SGCD: variants seen among roughly 807,000 people sequenced by gnomAD.
SGCD encodes the protein delta-sarcoglycan.
Under a neutral mutation model 36.6 loss-of-function variants are expected in SGCD, and 18 were observed. The observed-to-expected ratio is 0.49, with a 90% confidence interval of 0.34 to 0.73. The LOEUF is 0.73. Among genes scored for constraint, SGCD ranks in the 30% least tolerant of loss-of-function variants. The pLI, the probability that SGCD is intolerant of heterozygous loss-of-function variation, is 0.01. For missense variants in SGCD, 387 were observed against 346.7 expected (o/e 1.12, Z -0.92); for synonymous variants, 133 against 130.6 (o/e 1.02, Z -0.12).
intron 3 of SGCD, among the ~76,000 whole-genome samples, chr5:156,146,218 A>C (rs1315239303): frequency 2.0e-5 from 3 of 152,192 alleles, no homozygotes; most frequent in Non-Finnish European, 4.4e-5. Flanking sequence ...ATCTCTAAAA[A>C]ACAAAACAAA....
intron 1 of SGCD, among the ~76,000 whole-genome samples, chr5:156,088,872 T>G (rs1023349860): frequency 8.5e-5 from 13 of 152,242 alleles, no homozygotes; most frequent in African/African-American, 3.1e-4. Context: ...CAAGCTAGGG[T>G]GAAGCCACCT....
chr5:156,354,049 A>G (rs1045511566), intron 3 of SGCD, among the ~76,000 whole-genome samples: 7 of 145,528 alleles, frequency 4.8e-5, no homozygotes, highest in South Asian at 2.1e-4. Flanking sequence ...TGCTTTGTGT[A>G]GAAACTAAAG....
Position 156,487,813 on chromosome 5 carries a change from A to AAAAAAAAAAG in SGCD, c.193-20785_193-20784insAAAAAAGAAA, listed in dbSNP as rs1554107842. On this transcript the variant is annotated intron_variant, in intron 3 of 8. Coordinates refer to ENST00000337851, the MANE Select transcript of SGCD (RefSeq NM_000337.6). ...CAAAAAAAAAAAAAAAAAAAAAAAA[A>AAAAAAAAAAG]AAAGAAAGAAAGAAAAAGCTTAACA... Among the ~76,000 whole-genome samples the AAAAAAAAAAG allele has an allele frequency of 4.2e-4, 33 of 77,812 alleles. 3 individuals carry two copies. Among genetic ancestry groups the AAAAAAAAAAG allele is most frequent in the East Asian group, 1.3e-3 (3 of 2,286 alleles). The allele number at this position is 77,812 out of a possible 152,430, so 51.0% of individuals were successfully genotyped here.
the SGCD span, among the ~76,000 whole-genome samples, chr5:155,772,276 C>T: frequency 6.6e-6 from 1 of 152,182 alleles, no homozygotes; most frequent in African/African-American, 2.4e-5. Context: ...GTTGGCCCTA[C>T]TTTAGAGAAA....
chr5:156,163,575 C>A (rs1763135682), intron 3 of SGCD, among the ~76,000 whole-genome samples: 1 of 151,442 alleles, frequency 6.6e-6, no homozygotes, highest in African/African-American at 2.5e-5. Flanking sequence ...TCTTTTATTT[C>A]TTTTCTGTCC....
intron 3 of SGCD, among the ~76,000 whole-genome samples, chr5:156,404,023 C>A (rs1014188284): frequency 6.6e-6 from 1 of 151,870 alleles, no homozygotes; most frequent in Non-Finnish European, 1.5e-5. Flanking sequence ...TTAGTAGAGA[C>A]AAGGTTTCAC....
intron 7 of SGCD, among the ~76,000 whole-genome samples, chr5:156,747,801 C>CA (rs1310711142): frequency 6.6e-6 from 1 of 152,154 alleles, no homozygotes; most frequent in African/African-American, 2.4e-5. Flanking sequence ...AACCAGGAGA[C>CA]AAGGATTCCT....
intron 1 of SGCD, among the ~76,000 whole-genome samples, chr5:156,068,605 C>G (rs1220349143): frequency 6.6e-6 from 1 of 151,770 alleles, no homozygotes; most frequent in East Asian, 1.9e-4. Flanking sequence ...GCCTTTATAG[C>G]AGCATGATTT....
chr5:156,087,589 G>A (rs1039680835), intron 1 of SGCD, among the ~76,000 whole-genome samples: 4 of 146,148 alleles, frequency 2.7e-5, no homozygotes, highest in Non-Finnish European at 4.5e-5. Context: ...GCAGTGAGCC[G>A]AGATCGAGCC....
intron 3 of SGCD, among the ~76,000 whole-genome samples, chr5:156,182,311 G>A (rs1300793794): frequency 6.6e-6 from 1 of 152,174 alleles, no homozygotes; most frequent in Non-Finnish European, 1.5e-5. Context: ...AATAAGCTGG[G>A]CTGGGCATGG....
intron 1 of SGCD, among the ~76,000 whole-genome samples, chr5:156,010,723 G>T (rs73810391): frequency 0.079 from 12,034 of 152,108 alleles, 1,551 homozygotes; most frequent in African/African-American, 0.27. Context: ...TCTAATATCT[G>T]TTTTATAGTT....
At chr5:156,396,526 A>G (rs1270446157) in intron 3 of SGCD, among the ~76,000 whole-genome samples, 5 of 152,094 alleles carry the variant, frequency 3.3e-5, no homozygotes, top group South Asian at 2.1e-4. Flanking sequence ...CCCTTGTTGG[A>G]CTTCTCAACC....
intron 4 of SGCD, among the ~76,000 whole-genome samples, chr5:156,566,114 A>G (rs1472523369): frequency 2.6e-5 from 4 of 152,216 alleles, no homozygotes; most frequent in African/African-American, 9.6e-5. Flanking sequence ...ATCACTGGTC[A>G]TTAGAGAAAT....
intron 3 of SGCD, among the ~76,000 whole-genome samples, chr5:156,457,534 A>T (rs980702475): frequency 1.3e-5 from 2 of 152,210 alleles, no homozygotes; most frequent in African/African-American, 4.8e-5. Context: ...TATTTAGTGA[A>T]GCACCAAATT....
chr5:156,493,811 A>T (rs1756050128), intron 3 of SGCD, among the ~76,000 whole-genome samples: 1 of 152,138 alleles, frequency 6.6e-6, no homozygotes, highest in African/African-American at 2.4e-5. Context: ...TTTCTTCAGT[A>T]GGTTGTAATA....
intron 7 of SGCD, among the ~76,000 whole-genome samples, chr5:156,741,286 A>G (rs753370995): frequency 1.2e-4 from 18 of 152,248 alleles, no homozygotes; most frequent in Non-Finnish European, 2.2e-4. Context: ...AATTTCAACA[A>G]AAAATGAGCC....
chr5:156,083,890 T>C (rs914870415), intron 1 of SGCD, among the ~76,000 whole-genome samples: 2 of 152,128 alleles, frequency 1.3e-5, no homozygotes, highest in Non-Finnish European at 2.9e-5. Flanking sequence ...TCAGTACCTT[T>C]ATCACAAATC....
intron 1 of SGCD, among the ~76,000 whole-genome samples, chr5:155,912,189 G>T (rs1756643255): frequency 6.6e-6 from 1 of 152,008 alleles, no homozygotes; most frequent in Non-Finnish European, 1.5e-5. Flanking sequence ...GAGATGAAAA[G>T]ATGCTCCACC....
intron 1 of SGCD, among the ~76,000 whole-genome samples, chr5:156,085,868 A>G (rs1761079272): frequency 6.6e-6 from 1 of 152,186 alleles, no homozygotes; most frequent in Non-Finnish European, 1.5e-5. Flanking sequence ...TTCACTCTAA[A>G]TATACTAATA....
Sources: gnomAD v4.1 joint callset for allele counts (sites outside exome capture counted in the v4.1 genomes callset) on GRCh38, gnomAD v4.1.1 for gene constraint, MANE v1.5 for transcripts, NCBI Gene and HGNC (gene_info 2026-07-23, HGNC 2026-07-21) for gene names.